The following MAGI1 variants were observed in gnomAD, a reference collection of about 807,000 sequenced individuals.
The protein encoded by MAGI1 is membrane-associated guanylate kinase, WW and PDZ domain-containing protein 1.
A neutral mutation model predicts 139.9 loss-of-function variants in MAGI1; 58 were observed. That is an observed-to-expected ratio of 0.41 (90% CI 0.34 to 0.52). MAGI1 has a LOEUF of 0.52. Ranked by LOEUF, MAGI1 falls within the 20% of genes least tolerant of loss-of-function variation. The probability of loss-of-function intolerance (pLI) is 0.12; values close to 1 mark genes in which losing one functional copy is unlikely to be tolerated. For missense variants in MAGI1, 1,874 were observed against 1,901.6 expected (o/e 0.99, Z 0.27); for synonymous variants, 812 against 737.9 (o/e 1.10, Z -1.63).
intron 1 of MAGI1, among the ~76,000 whole-genome samples, chr3:65,668,580 T>C (rs1341161934): frequency 1.4e-5 from 2 of 145,300 alleles, no homozygotes; most frequent in African/African-American, 5.1e-5. Flanking sequence ...TTTTTTTTTT[T>C]TTTTGACACG....
At chr3:65,539,864 C>T (rs73129000) in intron 2 of MAGI1, among the ~76,000 whole-genome samples, 25,230 of 152,188 alleles carry the variant, frequency 0.17, 2,284 homozygotes, top group South Asian at 0.24. Flanking sequence ...GCCTCAGGAA[C>T]CTGGGAGAGC....
chr3:65,450,382 A>G (rs1307624006), intron 6 of MAGI1, among the ~76,000 whole-genome samples: 2 of 152,222 alleles, frequency 1.3e-5, no homozygotes, highest in Admixed American at 1.3e-4. Context: ...TGAAAAAAAT[A>G]GTGAATGGAT....
chr3:65,913,072 G>C (rs2061738600), intron 1 of MAGI1, among the ~76,000 whole-genome samples: 1 of 152,152 alleles, frequency 6.6e-6, no homozygotes, highest in Non-Finnish European at 1.5e-5. Flanking sequence ...AGGAGTTCGA[G>C]ACCAGCCTGG....
chr3:65,995,538 T>G (rs200112566), intron 1 of MAGI1, among the ~76,000 whole-genome samples: 1,674 of 105,562 alleles, frequency 0.016, 29 homozygotes, highest in South Asian at 0.062. Flanking sequence ...CCTTAAAGGG[T>G]TTTTTTTTTG....
intron 1 of MAGI1, among the ~76,000 whole-genome samples, chr3:65,812,011 C>T (rs1285770958): frequency 2.6e-5 from 4 of 151,636 alleles, no homozygotes; most frequent in East Asian, 1.9e-4. Flanking sequence ...TTTCTTTTTG[C>T]GCAAACTCCC....
chr3:65,493,645 T>A lies in MAGI1; in HGVS notation c.431-14A>T, dbSNP rs375512440. On this transcript the variant is annotated splice_polypyrimidine_tract_variant and intron_variant, in intron 2 of 22. Transcript: ENST00000402939. ...ATCGGGTTGTGCCTGTAGCAGAAAATACAAAGGCACAACAAACCATCAATC... is the reference window on the plus strand; with the variant it reads ...ATCGGGTTGTGCCTGTAGCAGAAAAAACAAAGGCACAACAAACCATCAATC... 6.2e-7 allele frequency: 1 copy of A among 1,613,630 alleles called. No homozygotes were observed. Among genetic ancestry groups the A allele is most frequent in the Admixed American group, 1.7e-5 (1 of 59,988 alleles).
intron 2 of MAGI1, among the ~76,000 whole-genome samples, chr3:65,538,190 C>T (rs1044140293): frequency 1.3e-5 from 2 of 152,198 alleles, no homozygotes; most frequent in Non-Finnish European, 2.9e-5. Flanking sequence ...TTACAACACC[C>T]TCTGCCTTTT....
chr3:65,779,691 C>CT (rs1251434205), intron 1 of MAGI1, among the ~76,000 whole-genome samples: 1 of 152,178 alleles, frequency 6.6e-6, no homozygotes, highest in Non-Finnish European at 1.5e-5. Flanking sequence ...CACAAGGCTT[C>CT]TTTTAAAGTA....
chr3:65,962,825 G>A (rs531798946), intron 1 of MAGI1, among the ~76,000 whole-genome samples: 95 of 50,358 alleles, frequency 1.9e-3, no homozygotes, highest in African/African-American at 8.1e-3. Context: ...ACTCTGTCTC[G>A]GGGGGAAAAA....
chr3:65,787,021 A>G (rs2039441961), intron 1 of MAGI1, among the ~76,000 whole-genome samples: 1 of 150,930 alleles, frequency 6.6e-6, no homozygotes, highest in South Asian at 2.1e-4. Flanking sequence ...CCACAAGCAC[A>G]CAACATTTCA....
chr3:65,963,595 G>A (rs2064578114), intron 1 of MAGI1, among the ~76,000 whole-genome samples: 1 of 152,122 alleles, frequency 6.6e-6, no homozygotes, highest in South Asian at 2.1e-4. Context: ...CAGCCTAGGT[G>A]ACAAAGCGAG....
intron 1 of MAGI1, among the ~76,000 whole-genome samples, chr3:65,800,638 TAA>T (rs11446884): frequency 6.7e-6 from 1 of 149,812 alleles, no homozygotes; most frequent in African/African-American, 2.5e-5. Flanking sequence ...TTAATTAGAT[TAA>T]AAAAAAAACT....
chr3:65,949,960 G>A (rs1358660593), intron 1 of MAGI1, among the ~76,000 whole-genome samples: 3 of 148,132 alleles, frequency 2.0e-5, no homozygotes, highest in Admixed American at 1.4e-4. Flanking sequence ...GAGATGGGAG[G>A]ATGACTTGAG....
chr3:65,446,112 C>T (rs1948659318), intron 7 of MAGI1, among the ~76,000 whole-genome samples: 1 of 152,150 alleles, frequency 6.6e-6, no homozygotes, highest in African/African-American at 2.4e-5. Context: ...GAACACATTC[C>T]TCCCTTGTGC....
At chr3:65,843,698 C>A (rs58822929) in intron 1 of MAGI1, among the ~76,000 whole-genome samples, 2,352 of 152,260 alleles carry the variant, frequency 0.015, 55 homozygotes, top group African/African-American at 0.053. Context: ...TAAGTCATCA[C>A]CATGACTTAA....
At chr3:65,758,263 A>C (rs10049196) in intron 1 of MAGI1, among the ~76,000 whole-genome samples, 6,422 of 152,256 alleles carry the variant, frequency 0.042, 170 homozygotes, top group Middle Eastern at 0.068. Flanking sequence ...GAGAGAAATA[A>C]AGCTTACAAA....
At chr3:65,497,470 T>C (rs1952539255) in intron 2 of MAGI1, among the ~76,000 whole-genome samples, 1 of 152,176 alleles carries the variant, frequency 6.6e-6, no homozygotes, top group East Asian at 1.9e-4. Context: ...AGTGCAAGAA[T>C]AGAATCTCTT....
rs927977208 is a variant in MAGI1 at position 65,768,201 on chromosome 3, C to T, written c.314-146113G>A. Reference sequence around the variant, plus strand: ...TTGGGAGGCTGAGGCAGGCAGATCACTTGAGGTTAGGAGTTCTAGACCAGC... The same window carrying T: ...TTGGGAGGCTGAGGCAGGCAGATCATTTGAGGTTAGGAGTTCTAGACCAGC... On this transcript the variant is annotated intron_variant, in intron 1 of 22. Transcript: ENST00000402939. Among the ~76,000 whole-genome samples, 3 of 152,178 alleles carry T rather than the reference C, an allele frequency of 2.0e-5. No homozygotes were observed. The East Asian group carries it at 5.8e-4, about 29-fold the overall frequency.
intron 1 of MAGI1, among the ~76,000 whole-genome samples, chr3:65,770,030 T>C (rs143105751): frequency 6.6e-6 from 1 of 152,292 alleles, no homozygotes; most frequent in Non-Finnish European, 1.5e-5. Flanking sequence ...AGGATTGCTA[T>C]CTTGGGCCCA....
Sources: allele counts gnomAD v4.1 joint callset (sites outside exome capture counted in the v4.1 genomes callset), GRCh38; gene constraint gnomAD v4.1.1; transcripts MANE v1.5; gene names NCBI Gene and HGNC (gene_info 2026-07-23, HGNC 2026-07-21).